The following EVC variants were observed in gnomAD, a reference collection of about 807,000 sequenced individuals.
The protein encoded by EVC is evC complex member EVC.
In EVC, 116 loss-of-function variants were observed where a neutral mutation model predicts 118.9. The ratio of observed to expected loss-of-function variants is 0.98; its 90% CI spans 0.84 to 1.14. The LOEUF (loss-of-function observed/expected upper bound fraction) is 1.14, where lower values mean the gene tolerates loss of function less well. EVC is among the 50% of genes most tolerant of loss of function. The probability of loss-of-function intolerance (pLI) is 0.00; values close to 1 mark genes in which losing one functional copy is unlikely to be tolerated. For missense variants in EVC, 1,401 were observed against 1,246.4 expected, an observed-to-expected ratio of 1.12 and a Z score of -1.87; for synonymous variants, 619 against 534.7, an observed-to-expected ratio of 1.16 and a Z score of -2.18.
rs557481538 is a variant in EVC, at chr4:5,733,989, C to T, written c.702+554C>T. Reference sequence around the variant, plus strand: ...AGTTCAGTACCTTTTCATGGGGCCACGTGTTCTCTTGACTGAATGAACAAG... The same window carrying T: ...AGTTCAGTACCTTTTCATGGGGCCATGTGTTCTCTTGACTGAATGAACAAG... On this transcript the variant is annotated intron_variant, in intron 5 of 20. Transcript: ENST00000264956. Among the ~76,000 whole-genome samples the T allele has an allele frequency of 1.2e-4, 19 of 152,202 alleles. No homozygotes were observed. In the East Asian group the frequency reaches 2.3e-3, roughly 19 times the overall value.
chr4:5,792,088 A>G (rs565130463), intron 12 of EVC, among the ~76,000 whole-genome samples: 2 of 137,762 alleles, frequency 1.5e-5, no homozygotes, highest in South Asian at 5.5e-4. Flanking sequence ...CACCTAAAAA[A>G]TGATGAATCC....
intron 14 of EVC, 121 bp downstream of exon 14, chr4:5,797,353 A>G: frequency 1.2e-6 from 1 of 834,542 alleles, no homozygotes; most frequent in Non-Finnish European, 2.0e-6. Context: ...AGGGTGCGGT[A>G]TTCATTCGCC....
chr4:5,790,180 C>CGAAAAAAAAAAAA (rs1712497891), intron 12 of EVC, among the ~76,000 whole-genome samples: 1 of 112,226 alleles, frequency 8.9e-6, no homozygotes, highest in Non-Finnish European at 1.8e-5. Context: ...GACTCCATCT[C>CGAAAAAAAAAAAA]AAAAAAAAAA....
chr4:5,797,077 A>G lies in EVC; in HGVS notation c.1942A>G (p.Arg648Gly), dbSNP rs1418345759. Residue 648 changes from arginine to glycine, a missense_variant, in exon 14 of 21, where the codon AGG becomes GGG. Arg to Gly is a moderately radical substitution (Grantham distance 125). Coordinates refer to ENST00000264956, the MANE Select transcript of EVC (RefSeq NM_153717.3). Reference protein sequence around the residue: ...HDLLLRSALRRLALRGNALAT... With the variant: ...HDLLLRSALRGLALRGNALAT... The stretch of plus-strand genomic sequence containing the variant: ...CCTGCTGTTGCGCTCAGCCCTCCGG[A>G]GGCTGGCACTCCGCGGCAACGCCCT... 2 of 1,613,364 alleles carry G rather than the reference A, an allele frequency of 1.2e-6. No homozygotes were observed. Among genetic ancestry groups the G allele is most frequent in the Admixed American group, 1.7e-5 (1 of 60,008 alleles).
At chr4:5,748,503 C>A (rs1264461866) in intron 8 of EVC, among the ~76,000 whole-genome samples, 197 bp downstream of exon 8, 2 of 138,052 alleles carry the variant, frequency 1.4e-5, no homozygotes, top group Admixed American at 1.4e-4. Flanking sequence ...CATCCATCCA[C>A]CCATTGACCC....
In EVC at chr4:5,731,421, C is replaced by T; in HGVS notation, c.385-4C>T. On this transcript the variant is annotated splice_region_variant and splice_polypyrimidine_tract_variant and intron_variant, in intron 3 of 20. Transcript: ENST00000264956. This position sits in a 1 kb window ranked among gnomAD's most constrained non-coding sequence, Gnocchi z 5.6. Reference sequence around the variant, plus strand: ...ACTGAGTGTGACTCCTACTGCCACCCCAGCCTCTGGCCGATGGCTCCTCCA... The same window carrying T: ...ACTGAGTGTGACTCCTACTGCCACCTCAGCCTCTGGCCGATGGCTCCTCCA... 1 of 1,612,216 alleles carries T rather than the reference C, an allele frequency of 6.2e-7. No homozygotes were observed. The highest frequency in any genetic ancestry group is 8.5e-7 in the Non-Finnish European group (1 of 1,178,710).
In EVC at chr4:5,810,852, C is replaced by A. The variant is rs1003568691; in HGVS notation, c.2895-101C>A. 9.5e-6 allele frequency: 11 copies of A among 1,160,750 alleles called. No individual in the cohort carries two copies. The African/African-American group carries it at 1.5e-4, about 16-fold the overall frequency. The allele number at this position is 1,160,750 out of a possible 1,614,324, so 71.9% of individuals were successfully genotyped here. Reference sequence around the variant, plus strand: ...GTCAAAGTAAAAATTGTTTTGATCACCTTTGGCTGCATTTTCATTTAATCC... The same window carrying A: ...GTCAAAGTAAAAATTGTTTTGATCAACTTTGGCTGCATTTTCATTTAATCC... On this transcript the variant is annotated intron_variant, in intron 20 of 20. Transcript: ENST00000264956.
chr4:5,803,771 T>C (rs1715399446), intron 16 of EVC, among the ~76,000 whole-genome samples: 1 of 152,238 alleles, frequency 6.6e-6, no homozygotes, highest in African/African-American at 2.4e-5. Context: ...CTCTCCCAGC[T>C]AATTAAGTGT....
In EVC at chr4:5,778,782, T is replaced by C. The variant is rs1372149705; in HGVS notation, c.1564-4770T>C. Among the ~76,000 whole-genome samples the C allele has an allele frequency of 2.0e-5, 3 of 152,184 alleles. No homozygotes were observed. The East Asian group carries it at 5.8e-4, about 29-fold the overall frequency. ...TAGGTTGGGAAAATGTTCTCCCATT[T>C]TGTGGGTTGCCTGTTCACTCTGATG... On this transcript the variant is annotated intron_variant, in intron 11 of 20. Transcript: ENST00000264956.
chr4:5,719,430 C>T lies in EVC; in HGVS notation c.300+57C>T. ...GCACATGTGGGAGGTGGGGTATTCC[C>T]CCTGGAAGCCGGGTGTCATGTAGAC... is the stretch of plus-strand genomic sequence containing the variant. On this transcript the variant is annotated intron_variant, in intron 2 of 20. Coordinates refer to ENST00000264956, the MANE Select transcript of EVC (RefSeq NM_153717.3). The surrounding 1 kb of genome is among the most constrained non-coding windows in gnomAD (Gnocchi z 4.7). 3 of 1,612,404 alleles carry T rather than the reference C, an allele frequency of 1.9e-6. No homozygotes were observed. The highest frequency in any genetic ancestry group is 2.5e-6 in the Non-Finnish European group (3 of 1,179,418).
chr4:5,807,311 C>T (rs1378596863), intron 17 of EVC, among the ~76,000 whole-genome samples: 1 of 152,044 alleles, frequency 6.6e-6, no homozygotes, highest in Admixed American at 6.5e-5. Context: ...GTAGGGTGCA[C>T]AGGAATTTGC....
rs1286506211 is a variant in EVC at position 5,742,012 on chromosome 4, A to G, written c.801+198A>G. Among the ~76,000 whole-genome samples the G allele has an allele frequency of 6.6e-6, 1 of 152,188 alleles. No individual in the cohort carries two copies. Among genetic ancestry groups the G allele is most frequent in the African/African-American group, 2.4e-5 (1 of 41,436 alleles). On this transcript the variant is annotated intron_variant, in intron 6 of 20. Transcript: ENST00000264956. This position sits in a 1 kb window ranked among gnomAD's most constrained non-coding sequence, Gnocchi z 5.2. ...ATTATTAAAATTTGGAATACTATTT[A>G]TAGCAAAGAGAATAATATTGGTCAT...
chr4:5,810,080 C>A (rs1234657143), intron 19 of EVC, among the ~76,000 whole-genome samples: 1 of 152,180 alleles, frequency 6.6e-6, no homozygotes, highest in African/African-American at 2.4e-5. Flanking sequence ...AGAGTGGATA[C>A]CCAGCGGGAG....
rs1727981453 is a variant in EVC at position 5,738,174 on chromosome 4, G to A, written c.703-3542G>A. On this transcript the variant is annotated intron_variant, in intron 5 of 20. Coordinates refer to ENST00000264956, the MANE Select transcript of EVC (RefSeq NM_153717.3). This position sits in a 1 kb window ranked among gnomAD's most constrained non-coding sequence, Gnocchi z 6.5. Reference sequence around the variant, plus strand: ...CAAGAAAACTAGGATTAGAATTGGAGCCTGAAGATGGGACTGAGCTGCTGC... The same window carrying A: ...CAAGAAAACTAGGATTAGAATTGGAACCTGAAGATGGGACTGAGCTGCTGC... 6.6e-6 allele frequency among the ~76,000 whole-genome samples: 1 copy of A among 152,208 alleles called. No homozygotes were observed. The highest frequency in any genetic ancestry group is 2.1e-4 in the South Asian group (1 of 4,824).
intron 2 of EVC, among the ~76,000 whole-genome samples, chr4:5,728,625 G>A (rs541059199): frequency 6.6e-4 from 101 of 152,210 alleles, no homozygotes; most frequent in African/African-American, 2.4e-3. Context: ...TGTGGTCTTC[G>A]AGGGCAGCTA....
intron 11 of EVC, among the ~76,000 whole-genome samples, chr4:5,766,754 T>A (rs1374022068): frequency 7.5e-6 from 1 of 132,652 alleles, no homozygotes. Flanking sequence ...TTCAGCTCCA[T>A]CAGCTCCTTT....
rs1229450990 is a variant in EVC, at chr4:5,719,208, T to C, written c.175-40T>C. On this transcript the variant is annotated intron_variant, in intron 1 of 20. Transcript: ENST00000264956. The surrounding 1 kb of genome is among the most constrained non-coding windows in gnomAD (Gnocchi z 4.7). ...ACCAGGCCGACTGACCTCAATGTTG[T>C]GTTTCTATCCACCCCCAACTCCTGA... 5 of 1,613,722 alleles carry C rather than the reference T, an allele frequency of 3.1e-6. No homozygotes were observed. Among genetic ancestry groups the C allele is most frequent in the Non-Finnish European group, 4.2e-6 (5 of 1,179,774 alleles).
chr4:5,736,592 A>T lies in EVC; in HGVS notation c.702+3157A>T, dbSNP rs189854591. Among the ~76,000 whole-genome samples, 20 of 151,356 alleles carry T rather than the reference A, an allele frequency of 1.3e-4. No homozygotes were observed. In the East Asian group the frequency reaches 3.5e-3, roughly 27 times the overall value. ...GTTGGCTCCATTTTTCCAACAGCACATGCTCACTTCATGTCTTTGTGTGAC... is the reference window on the plus strand; with the variant it reads ...GTTGGCTCCATTTTTCCAACAGCACTTGCTCACTTCATGTCTTTGTGTGAC... On this transcript the variant is annotated intron_variant, in intron 5 of 20. Coordinates refer to ENST00000264956, the MANE Select transcript of EVC (RefSeq NM_153717.3).
At chr4:5,805,888 T>TCTC (rs1560441052) in intron 17 of EVC, among the ~76,000 whole-genome samples, 28 of 112,662 alleles carry the variant, frequency 2.5e-4, no homozygotes. Flanking sequence ...GGCAGTTTCT[T>TCTC]TTCTTTTTTT....
Sources: gnomAD v4.1 joint callset for allele counts (sites outside exome capture counted in the v4.1 genomes callset) on GRCh38, gnomAD v4.1.1 for gene constraint, Gnocchi (gnomAD v3.1) non-coding constraint, MANE v1.5 for transcripts, NCBI Gene and HGNC (gene_info 2026-07-23, HGNC 2026-07-21) for gene names.